TOR1AIP2: variants seen among roughly 807,000 people sequenced by gnomAD.
The protein encoded by TOR1AIP2 is torsin-1A-interacting protein 2.
TOR1AIP2 carries 20 observed loss-of-function variants against 32.6 expected under a neutral mutation model. The observed-to-expected ratio is 0.61, with a 90% confidence interval of 0.43 to 0.89. TOR1AIP2 has a LOEUF of 0.89. Ranked by LOEUF, TOR1AIP2 falls within the 40% of genes least tolerant of loss-of-function variation. The pLI is 0.00. For missense variants in TOR1AIP2, 456 were observed against 553.8 expected (o/e 0.82, Z 1.77); for synonymous variants, 214 against 210.8 (o/e 1.02, Z -0.13).
chr1:179,876,641 TC>T (rs1647336215), intron 2 of TOR1AIP2, among the ~76,000 whole-genome samples: 1 of 142,156 alleles, frequency 7.0e-6, no homozygotes, highest in East Asian at 2.1e-4. Context: ...CATCTTGTGC[TC>T]AAAAAAAAAA....
At chr1:179,851,483 C>T (rs1696115255) in intron 4 of TOR1AIP2, 120 bp from the exon 5 acceptor site, 2 of 752,614 alleles carry the variant, frequency 2.7e-6, no homozygotes, top group Middle Eastern at 4.1e-4. Flanking sequence ...AAGACACTTC[C>T]TAAACATTAT....
At chr1:179,859,708 T>G (rs1206214566) in intron 3 of TOR1AIP2, 1 of 985,364 alleles carries the variant, frequency 1.0e-6, no homozygotes. Context: ...AAAATCTGCC[T>G]TCGGTCATCC....
chr1:179,861,264 T>G (rs1438395080), intron 3 of TOR1AIP2: 1 of 984,974 alleles, frequency 1.0e-6, no homozygotes, highest in Non-Finnish European at 1.2e-6. Context: ...ACACAGCATT[T>G]ATATTTTAAT....
At chr1:179,874,510 A>T (rs1473132060) in intron 2 of TOR1AIP2, 1 of 152,304 alleles carries the variant, frequency 6.6e-6, no homozygotes. Context: ...CTATAATCCC[A>T]GCCTTTTAGG....
At chr1:179,865,213 A>T (rs768915430) in intron 3 of TOR1AIP2, 2 of 1,555,182 alleles carry the variant, frequency 1.3e-6, no homozygotes, top group Non-Finnish European at 1.7e-6. Context: ...GCAATGTGAC[A>T]GCAAGAGACA....
chr1:179,866,749 G>C (rs1696796826), intron 2 of TOR1AIP2, among the ~76,000 whole-genome samples: 2 of 152,180 alleles, frequency 1.3e-5, no homozygotes. Context: ...GTCATTCTGA[G>C]AAGGCAAGTA....
chr1:179,853,183 T>C (rs751039499), intron 3 of TOR1AIP2, among the ~76,000 whole-genome samples: 1 of 152,226 alleles, frequency 6.6e-6, no homozygotes, highest in African/African-American at 2.4e-5. Context: ...TGTCTTCAAT[T>C]TCTGTCCCAG....
intron 2 of TOR1AIP2, chr1:179,875,517 C>T (rs1381402950): frequency 6.6e-6 from 1 of 152,066 alleles, no homozygotes; most frequent in African/African-American, 2.4e-5. Context: ...CAGAAGACAC[C>T]AATGTTTCAA....
intron 3 of TOR1AIP2, chr1:179,863,042 A>C (rs1204708338): frequency 1.2e-5 from 2 of 164,834 alleles, no homozygotes; most frequent in Non-Finnish European, 2.5e-5. Flanking sequence ...CTGGCCAACA[A>C]TGGTGAAACC....
In TOR1AIP2 at chr1:179,850,946, T is replaced by C; in HGVS notation, c.452A>G (p.Gln151Arg). Residue 151 changes from glutamine to arginine, a missense_variant, in exon 5 of 7, where the codon CAG becomes CGG. Physicochemically the swap from Gln to Arg is conservative, Grantham distance 43 (BLOSUM62 1). Transcript: ENST00000609928. The stretch of plus-strand genomic sequence containing the variant: ...CTGGGAGTCTGTAGTAGGTGGTTCC[T>C]GAGATGCTCCAGTTCCGTCACTCGC... ...KEASDGTGAS[Q>R]EPPTTDSQEA... 1 of 1,613,200 alleles carries C rather than the reference T, an allele frequency of 6.2e-7. No homozygotes were observed. The highest frequency in any genetic ancestry group is 2.2e-5 in the East Asian group (1 of 44,884).
At chr1:179,858,259 G>C (rs1696382739) in intron 3 of TOR1AIP2, among the ~76,000 whole-genome samples, 1 of 152,056 alleles carries the variant, frequency 6.6e-6, no homozygotes, top group Non-Finnish European at 1.5e-5. Flanking sequence ...TCACTACAGA[G>C]TGATATGTTA....
At chr1:179,863,302 T>C in intron 3 of TOR1AIP2, 2 of 984,228 alleles carry the variant, frequency 2.0e-6, no homozygotes, top group Admixed American at 6.2e-5. Flanking sequence ...GCTAACCCTA[T>C]TCCCCTTTGC....
Position 179,846,194 on chromosome 1 carries a change from G to A in TOR1AIP2, c.1290C>T (p.Asp430=). ...CCATGTGGTTGAAGGAGGTGGGAGT[G>A]TCAGAGTTGGTAAACTTGGCCCAGA... ...DLLWAKFTNS[D]TPTSFNHMDS... The change falls in exon 7 of 7, where the codon GAC becomes GAT. Residue 430 remains aspartate (D), a synonymous_variant. Coordinates refer to ENST00000609928, the MANE Select transcript of TOR1AIP2 (RefSeq NM_001199260.2). 1 of 1,614,176 alleles carries A rather than the reference G, an allele frequency of 6.2e-7. No homozygotes were observed. The highest frequency in any genetic ancestry group is 8.5e-7 in the Non-Finnish European group (1 of 1,180,036).
At chr1:179,862,352 A>G (rs987434788) in intron 3 of TOR1AIP2, 31 of 985,252 alleles carry the variant, frequency 3.1e-5, no homozygotes, top group Non-Finnish European at 3.7e-5. Flanking sequence ...GCACTCTCTC[A>G]AAGTAAATTT....
At chr1:179,868,962 C>T (rs1271223383) in intron 2 of TOR1AIP2, 1 of 152,284 alleles carries the variant, frequency 6.6e-6, no homozygotes, top group South Asian at 2.1e-4. Context: ...CTTGCTTCAA[C>T]CTCCCGAGTA....
At chr1:179,867,722 G>C (rs923486672) in intron 2 of TOR1AIP2, 4 of 152,174 alleles carry the variant, frequency 2.6e-5, no homozygotes, top group African/African-American at 9.7e-5. Context: ...TAGGAGTCAA[G>C]AGAAAGCCCT....
At position 179,859,463 on chromosome 1, in the gene TOR1AIP2, C is replaced by A. The variant is rs151093221; in HGVS notation, c.-147+5973G>T. The A allele has an allele frequency of 6.7e-3, 6,632 of 985,414 alleles. 36 individuals are homozygous for A. The highest frequency in any genetic ancestry group is 0.018 in the South Asian group (391 of 21,286). The allele number at this position is 985,414 out of a possible 1,614,324, so 61.0% of individuals were successfully genotyped here. ...GCTTGTATTAAGCATACCACAAGCA[C>A]CCTGACTCTGGAAAACTTACATCTA... On this transcript the variant is annotated intron_variant, in intron 3 of 6. Coordinates refer to ENST00000609928, the MANE Select transcript of TOR1AIP2 (RefSeq NM_001199260.2).
chr1:179,876,719 T>C (rs986836433), intron 2 of TOR1AIP2, among the ~76,000 whole-genome samples: 2 of 151,870 alleles, frequency 1.3e-5, no homozygotes, highest in Non-Finnish European at 2.9e-5. Flanking sequence ...AGATCCAAAA[T>C]AAAATGTGTT....
At position 179,846,307 on chromosome 1, in the gene TOR1AIP2, C is replaced by T; in HGVS notation, c.1177G>A (p.Ala393Thr). 6.2e-7 allele frequency: 1 copy of T among 1,614,208 alleles called. No homozygotes were observed. Among genetic ancestry groups the T allele is most frequent in the Non-Finnish European group, 8.5e-7 (1 of 1,180,052 alleles). ...DHENAAFKDV[A>T]LVLTVLLEEE... ...TCTAGCAGAACAGTCAGGACCAGGGCCACATCTTTAAAGGCAGCATTCTCA... is the reference window on the plus strand; with the variant it reads ...TCTAGCAGAACAGTCAGGACCAGGGTCACATCTTTAAAGGCAGCATTCTCA... Residue 393 changes from alanine to threonine, a missense_variant, in exon 7 of 7, where the codon GCC becomes ACC. Ala to Thr is a moderately conservative substitution (Grantham distance 58). Coordinates refer to ENST00000609928, the MANE Select transcript of TOR1AIP2 (RefSeq NM_001199260.2).
Sources: gnomAD v4.1 joint callset for allele counts (sites outside exome capture counted in the v4.1 genomes callset) on GRCh38, gnomAD v4.1.1 for gene constraint, MANE v1.5 for transcripts, NCBI Gene and HGNC (gene_info 2026-07-23, HGNC 2026-07-21) for gene names.